ABCA12: variants seen among roughly 807,000 people sequenced by gnomAD.
ABCA12 encodes the protein ATP binding cassette subfamily A member 12.
A neutral mutation model predicts 293.5 loss-of-function variants in ABCA12; 156 were observed. The observed-to-expected ratio is 0.53, with a 90% CI of 0.47 to 0.61. The LOEUF (loss-of-function observed/expected upper bound fraction) is 0.61. ABCA12 is among the 20% of genes least tolerant of loss of function. The pLI is 0.00. For missense variants in ABCA12, 2,797 were observed against 3,090.2 expected, an observed-to-expected ratio of 0.91 and a Z score of 2.25; for synonymous variants, 1,063 against 1,108.0, an observed-to-expected ratio of 0.96 and a Z score of 0.81.
chr2:215,049,577 C>T, intron 6 of ABCA12, 49 bp downstream of exon 6: 1 of 1,562,358 alleles, frequency 6.4e-7, no homozygotes, highest in Non-Finnish European at 8.8e-7. Flanking sequence ...TATAGATTTA[C>T]CCTTTAATTC....
intron 14 of ABCA12, among the ~76,000 whole-genome samples, chr2:215,016,329 A>G (rs1700497997): frequency 6.6e-6 from 1 of 151,588 alleles, no homozygotes; most frequent in African/African-American, 2.4e-5. Flanking sequence ...CACGCCTCTA[A>G]TCCCAGCACT....
At chr2:215,092,010 C>T (rs1702157593) in intron 2 of ABCA12, among the ~76,000 whole-genome samples, 1 of 152,194 alleles carries the variant, frequency 6.6e-6, no homozygotes, top group African/African-American at 2.4e-5. Context: ...GGAATGCTGG[C>T]CCAAAGCTCT....
At chr2:214,958,246 T>C (rs1559114394) in intron 41 of ABCA12, 31 bp downstream of exon 41, 1 of 1,613,328 alleles carries the variant, frequency 6.2e-7, no homozygotes, top group Non-Finnish European at 8.5e-7. Context: ...TGATCTTTTA[T>C]TCCCTGCAAT....
At position 214,937,584 on chromosome 2, in the gene ABCA12, A is replaced by G. The variant is rs149561952; in HGVS notation, c.7468T>C (p.Leu2490=). Residue 2490 remains leucine, a synonymous_variant, in exon 51 of 53, where the codon TTG becomes CTG. Coordinates refer to ENST00000272895, the MANE Select transcript of ABCA12 (RefSeq NM_173076.3). ...TCCATGGTCACTTTGTTATTCTTCA[A>G]GTGAACTTTGACAGTAAATCCTCGT... ...FGRGFTVKVH[L]KNNKVTMETL... is the part of the protein sequence containing the mutation. 1,768 of 1,613,968 alleles carry G rather than the reference A, an allele frequency of 1.1e-3. 6 individuals carry two copies. The highest frequency in any genetic ancestry group is 7.1e-3 in the Middle Eastern group (43 of 6,058).
At chr2:214,963,877 G>A (rs1699183001) in intron 39 of ABCA12, among the ~76,000 whole-genome samples, 1 of 133,354 alleles carries the variant, frequency 7.5e-6, no homozygotes, top group Non-Finnish European at 1.5e-5. Context: ...CTGAGATCGT[G>A]CCACTGCACT....
Position 214,951,091 on chromosome 2 carries a change from T to G in ABCA12, c.6648-8A>C, listed in dbSNP as rs762292179. ...AATTTTCTGAAGAAAAGCCTAAAAA[T>G]GGACCCAGTGATTTTACGTCAATGA... On this transcript the variant is annotated splice_region_variant and splice_polypyrimidine_tract_variant and intron_variant, in intron 44 of 52. Transcript: ENST00000272895. The G allele has an allele frequency of 6.2e-7, 1 of 1,610,530 alleles. No individual in the cohort carries two copies. Among genetic ancestry groups the G allele is most frequent in the Non-Finnish European group, 8.5e-7 (1 of 1,177,104 alleles).
At chr2:215,047,380 C>T (rs1575008594) in intron 6 of ABCA12, among the ~76,000 whole-genome samples, 3 of 152,150 alleles carry the variant, frequency 2.0e-5, no homozygotes, top group South Asian at 4.1e-4. Context: ...TAACTTCAGA[C>T]TATACTGCAG....
At chr2:214,948,508 A>AG (rs1326530825) in intron 47 of ABCA12, 88 bp downstream of exon 47, 2 of 1,342,624 alleles carry the variant, frequency 1.5e-6, no homozygotes, top group Admixed American at 2.2e-5. Flanking sequence ...ATGGTGGGGC[A>AG]GGGGGGACAG....
intron 49 of ABCA12, among the ~76,000 whole-genome samples, chr2:214,943,504 T>G (rs1387931647): frequency 6.6e-6 from 1 of 152,080 alleles, no homozygotes; most frequent in Non-Finnish European, 1.5e-5. Flanking sequence ...AAAGCCAATC[T>G]CTTAAAATAT....
At position 215,097,936 on chromosome 2, in the gene ABCA12, G is replaced by A. The variant is rs1212304753; in HGVS notation, c.163+13661C>T. Among the ~76,000 whole-genome samples the A allele has an allele frequency of 2.0e-5, 3 of 152,240 alleles. No individual in the cohort carries two copies. The East Asian group carries it at 5.8e-4, about 29-fold the overall frequency. ...TATATCTCTGAAAAGAATGTAACCT[G>A]CATAACAAAGTTCTATAATTTTTTT... On this transcript the variant is annotated intron_variant, in intron 2 of 52. Transcript: ENST00000272895.
chr2:215,102,956 T>C (rs1575045639), intron 2 of ABCA12, among the ~76,000 whole-genome samples: 1 of 152,212 alleles, frequency 6.6e-6, no homozygotes, highest in East Asian at 1.9e-4. Context: ...TTTGTAAAAT[T>C]CTCTCTTGAA....
chr2:215,124,335 G>T (rs1444143221), intron 1 of ABCA12, among the ~76,000 whole-genome samples: 3 of 152,198 alleles, frequency 2.0e-5, no homozygotes, highest in Non-Finnish European at 4.4e-5. Context: ...CCAGTAGTGG[G>T]ATTGCTGGAT....
intron 1 of ABCA12, among the ~76,000 whole-genome samples, chr2:215,134,624 G>GAGAGAGAGAGAGAGAGACAAAC (rs1703168277): frequency 8.4e-6 from 1 of 119,368 alleles, no homozygotes. Context: ...TATAGAGAGA[G>GAGAGAGAGAGAGAGAGACAAAC]AGAGAGAGAG....
rs760009353 is a variant in ABCA12 at position 214,943,964 on chromosome 2, T to C, written c.7344-947A>G. Reference sequence around the variant, plus strand: ...ATGCAAACATAAACTTAATACAAATTATAAGACAAGGCCATCCTCATAAGA... The same window carrying C: ...ATGCAAACATAAACTTAATACAAATCATAAGACAAGGCCATCCTCATAAGA... On this transcript the variant is annotated intron_variant, in intron 49 of 52. Transcript: ENST00000272895. 4.6e-5 allele frequency among the ~76,000 whole-genome samples: 7 copies of C among 152,252 alleles called. No homozygotes were observed. In the South Asian group the frequency reaches 8.3e-4, roughly 18 times the overall value.
chr2:215,004,045 T>A (rs1700200674), intron 20 of ABCA12, among the ~76,000 whole-genome samples, 164 bp downstream of exon 20: 1 of 152,076 alleles, frequency 6.6e-6, no homozygotes. Context: ...TACAACTAAC[T>A]GGGAAGAAGA....
intron 49 of ABCA12, among the ~76,000 whole-genome samples, chr2:214,943,249 T>C (rs1185382289): frequency 6.6e-6 from 1 of 152,160 alleles, no homozygotes; most frequent in Non-Finnish European, 1.5e-5. Flanking sequence ...GTAATCCTCC[T>C]GTCTCAGCCT....
chr2:215,075,230 G>T (rs559033217), intron 2 of ABCA12, among the ~76,000 whole-genome samples: 8 of 151,994 alleles, frequency 5.3e-5, no homozygotes, highest in Non-Finnish European at 8.8e-5. Context: ...CTTCTAAAGG[G>T]GTCATTGCCA....
At chr2:215,022,558 C>G (rs149188479) in intron 11 of ABCA12, 1 of 152,326 alleles carries the variant, frequency 6.6e-6, no homozygotes, top group East Asian at 1.9e-4. Context: ...AAGTATGTGT[C>G]AACTTCAGAT....
Position 215,072,882 on chromosome 2 carries a change from G to A in ABCA12, c.164-8663C>T, listed in dbSNP as rs1291409336. The stretch of plus-strand genomic sequence containing the variant: ...GAGACCAAGGTGGGCGGATCACGAG[G>A]TCAGGAGTTCGAGACCAGCCTGGCC... On this transcript the variant is annotated intron_variant, in intron 2 of 52. Coordinates refer to ENST00000272895, the MANE Select transcript of ABCA12 (RefSeq NM_173076.3). Among the ~76,000 whole-genome samples the A allele has an allele frequency of 2.0e-5, 3 of 152,300 alleles. No individual in the cohort carries two copies. The East Asian group carries it at 5.8e-4, about 29-fold the overall frequency.
Sources: gnomAD v4.1 joint callset for allele counts (sites outside exome capture counted in the v4.1 genomes callset) on GRCh38, gnomAD v4.1.1 for gene constraint, MANE v1.5 for transcripts, NCBI Gene and HGNC (gene_info 2026-07-23, HGNC 2026-07-21) for gene names.